Variants in RBM26 observed in about 807,000 individuals in gnomAD.
RBM26 encodes the protein RNA binding motif protein 26.
RBM26 carries 30 observed loss-of-function variants against 123.6 expected under a neutral mutation model. The ratio of observed to expected loss-of-function variants is 0.24; its 90% CI spans 0.18 to 0.33. RBM26 has a LOEUF of 0.33. RBM26 is among the 10% of genes least tolerant of loss of function. The pLI, the probability that RBM26 is intolerant of heterozygous loss-of-function variation, is 1.00. For missense variants in RBM26, 947 were observed against 1,203.6 expected, an observed-to-expected ratio of 0.79 and a Z score of 3.15; for synonymous variants, 400 against 404.4, an observed-to-expected ratio of 0.99 and a Z score of 0.13.
Position 79,403,493 on chromosome 13 carries a change from G to A in RBM26, c.71+2211C>T, listed in dbSNP as rs1469995544. Among the ~76,000 whole-genome samples, 7 of 152,182 alleles carry A rather than the reference G, an allele frequency of 4.6e-5. 1 individual carries two copies. The highest frequency in any genetic ancestry group is 4.6e-4 in the Admixed American group (7 of 15,274). The stretch of plus-strand genomic sequence containing the variant: ...AGGGATACGGCAGTAAATCTAATAT[G>A]AAACTGAACGCTTAAAGGAAAGCTA... On this transcript the variant is annotated intron_variant, in intron 1 of 21. Coordinates refer to ENST00000438737, the MANE Select transcript of RBM26 (RefSeq NM_001366735.2).
chr13:79,369,924 G>A (rs1237216998), intron 5 of RBM26, among the ~76,000 whole-genome samples: 1 of 152,016 alleles, frequency 6.6e-6, no homozygotes, highest in Non-Finnish European at 1.5e-5. Flanking sequence ...GAATCCTCAT[G>A]CCCCTTTGTA....
At chr13:79,378,153 G>A (rs556092466) in intron 2 of RBM26, among the ~76,000 whole-genome samples, 73 of 152,302 alleles carry the variant, frequency 4.8e-4, no homozygotes, top group African/African-American at 1.7e-3. Flanking sequence ...TCTAGATGTG[G>A]CAAGGTACAA....
intron 1 of RBM26, among the ~76,000 whole-genome samples, chr13:79,381,377 A>T (rs538476794): frequency 6.6e-6 from 1 of 152,114 alleles, no homozygotes; most frequent in South Asian, 2.1e-4. Flanking sequence ...CCAGACATCA[A>T]CCAAACTAGA....
At chr13:79,351,614 A>G (rs1461581836) in intron 14 of RBM26, among the ~76,000 whole-genome samples, 1 of 150,666 alleles carries the variant, frequency 6.6e-6, no homozygotes, top group Non-Finnish European at 1.5e-5. Flanking sequence ...CGGGGGGGGA[A>G]ATGCACTCCA....
At chr13:79,337,335 G>A in intron 18 of RBM26, 33 bp from the exon 19 acceptor site, 1 of 1,610,400 alleles carries the variant, frequency 6.2e-7, no homozygotes, top group Non-Finnish European at 8.5e-7. Context: ...GTTAAACAAT[G>A]CTGTGATTAC....
chr13:79,367,931 T>A (rs190599262), intron 6 of RBM26, among the ~76,000 whole-genome samples: 2 of 152,292 alleles, frequency 1.3e-5, no homozygotes, highest in African/African-American at 4.8e-5. Context: ...TTCATTTAAA[T>A]CTCTTAAAAC....
In RBM26 at chr13:79,320,115, C is replaced by A; in HGVS notation, c.*506G>T. On this transcript the variant is annotated 3_prime_UTR_variant, in exon 22 of 22. Transcript: ENST00000438737. ...CATATGGTAAAATACATACACAGTC[C>A]AACAAAAGGCTAATACATAGTAAAG... 5 of 970,296 alleles carry A rather than the reference C, an allele frequency of 5.2e-6. No individual in the cohort carries two copies. The highest frequency in any genetic ancestry group is 6.1e-6 in the Non-Finnish European group (5 of 816,906). The allele number at this position is 970,296 out of a possible 1,614,324, so 60.1% of individuals were successfully genotyped here. A position where few individuals can be genotyped will look rare whatever the true frequency, so the allele number is the denominator to read the frequency against.
chr13:79,393,519 C>G (rs1256281065), intron 1 of RBM26, among the ~76,000 whole-genome samples: 1 of 152,206 alleles, frequency 6.6e-6, no homozygotes, highest in Non-Finnish European at 1.5e-5. Flanking sequence ...GGATTTGCAG[C>G]AGGTAACATA....
intron 1 of RBM26, among the ~76,000 whole-genome samples, chr13:79,401,624 T>C (rs1250067128): frequency 6.6e-6 from 1 of 152,184 alleles, no homozygotes; most frequent in Non-Finnish European, 1.5e-5. Context: ...ATTCTAACAG[T>C]AGCAACAGTA....
In RBM26 at chr13:79,366,759, C is replaced by T. The variant is rs1399450920; in HGVS notation, c.1009G>A (p.Val337Ile). The change falls in exon 7 of 22, where the codon GTT becomes ATT. Residue 337 changes from valine to isoleucine, a missense_variant. Physicochemically the swap from Val to Ile is conservative, Grantham distance 29. Around this residue, in one of 5 missense-constraint regions of RBM26, gnomAD observed 493 missense variants for 563.1 expected, o/e 0.88. Coordinates refer to ENST00000438737, the MANE Select transcript of RBM26 (RefSeq NM_001366735.2). ...CCAGGAGGAGGTGGTCCTTCAACAACAGGAGGCTGTGCTGGGAAAGGCAGC... is the reference window on the plus strand; with the variant it reads ...CCAGGAGGAGGTGGTCCTTCAACAATAGGAGGCTGTGCTGGGAAAGGCAGC... ...GMLPFPAQPP[V>I]VEGPPPPGLP... 1.2e-6 allele frequency: 2 copies of T among 1,613,846 alleles called. No individual in the cohort carries two copies. The highest frequency in any genetic ancestry group is 2.2e-5 in the South Asian group (2 of 91,060).
At chr13:79,378,450 A>AT (rs928788833) in intron 2 of RBM26, among the ~76,000 whole-genome samples, 1 of 151,758 alleles carries the variant, frequency 6.6e-6, no homozygotes, top group Non-Finnish European at 1.5e-5. Context: ...AACTTTATTT[A>AT]TTTTTTTTGA....
At chr13:79,356,288 A>G (rs1279177358) in intron 11 of RBM26, among the ~76,000 whole-genome samples, 3 of 151,452 alleles carry the variant, frequency 2.0e-5, no homozygotes, top group African/African-American at 7.3e-5. Context: ...AGAATCACCT[A>G]AGCCCAGGAG....
In RBM26 at chr13:79,368,944, T is replaced by C. The variant is rs372367299; in HGVS notation, c.681A>G (p.Pro227=). 5 of 1,610,946 alleles carry C rather than the reference T, an allele frequency of 3.1e-6. No individual in the cohort carries two copies. In the African/African-American group the frequency reaches 5.3e-5, roughly 17 times the overall value. ...AGACTGGAGTATAATTATTTTCTAA[T>C]GGATCTGTTCTATCCAGGTCATATT... ...KPKYDLDRTD[P]LENNYTPVSS... Residue 227 remains proline, a synonymous_variant, in exon 6 of 22, where the codon CCA becomes CCG. Coordinates refer to ENST00000438737, the MANE Select transcript of RBM26 (RefSeq NM_001366735.2).
chr13:79,367,602 G>A (rs2075439382), intron 6 of RBM26, among the ~76,000 whole-genome samples: 1 of 151,606 alleles, frequency 6.6e-6, no homozygotes, highest in South Asian at 2.1e-4. Flanking sequence ...GTTTAAAAGA[G>A]CATGGCACCT....
intron 14 of RBM26, among the ~76,000 whole-genome samples, chr13:79,345,822 G>C (rs2072232524): frequency 6.6e-6 from 1 of 151,836 alleles, no homozygotes; most frequent in African/African-American, 2.4e-5. Context: ...GGTCAGAGTG[G>C]ACAACCTTTT....
At chr13:79,354,346 A>C in intron 13 of RBM26, 93 bp downstream of exon 13, 1 of 1,101,962 alleles carries the variant, frequency 9.1e-7, no homozygotes, top group African/African-American at 1.6e-5. Context: ...ATTTCTATGT[A>C]AAATATATAC....
intron 1 of RBM26, among the ~76,000 whole-genome samples, chr13:79,394,809 C>A (rs2078414433): frequency 6.6e-6 from 1 of 152,006 alleles, no homozygotes; most frequent in South Asian, 2.1e-4. Context: ...AATTTTTGTA[C>A]TTTTAGTTTG....
rs535563785 is a variant in RBM26, at chr13:79,334,598, A to G, written c.2734-168T>C. Among the ~76,000 whole-genome samples the G allele has an allele frequency of 2.0e-5, 3 of 152,178 alleles. No homozygotes were observed. The South Asian group carries it at 6.2e-4, about 32-fold the overall frequency. On this transcript the variant is annotated intron_variant, in intron 19 of 21. Coordinates refer to ENST00000438737, the MANE Select transcript of RBM26 (RefSeq NM_001366735.2). ...TGAGTAATTTATTTTAGTACTTGAT[A>G]AGATAAAAGGTGGTCCTGTCTTCCA...
chr13:79,341,926 G>A (rs1404734070), intron 17 of RBM26, among the ~76,000 whole-genome samples: 1 of 151,760 alleles, frequency 6.6e-6, no homozygotes, highest in Non-Finnish European at 1.5e-5. Flanking sequence ...ACCTTTAGTG[G>A]AATACACCGA....
Sources: allele counts gnomAD v4.1 joint callset (sites outside exome capture counted in the v4.1 genomes callset), GRCh38; gene constraint gnomAD v4.1.1; regional missense constraint gnomAD v4.1.1; transcripts MANE v1.5; gene names NCBI Gene and HGNC (gene_info 2026-07-23, HGNC 2026-07-21).